Variants in JADE1 observed in about 807,000 individuals in gnomAD.
JADE1 encodes the protein protein Jade-1.
A neutral mutation model predicts 81.8 loss-of-function variants in JADE1; 14 were observed. That is an observed-to-expected ratio of 0.17 (90% CI 0.11 to 0.27). JADE1 has a LOEUF of 0.27. JADE1 is among the 10% of genes least tolerant of loss of function. JADE1 has a pLI of 1.00. For synonymous variants in JADE1, 353 were observed against 391.9 expected, an observed-to-expected ratio of 0.90 and a Z score of 1.17; for missense variants, 690 against 1,047.9, an observed-to-expected ratio of 0.66 and a Z score of 4.71.
rs570842216 is a variant in JADE1, at chr4:128,850,597, C to A, written c.484+1430C>A. Among the ~76,000 whole-genome samples the A allele has an allele frequency of 5.9e-5, 9 of 152,180 alleles. No homozygotes were observed. The South Asian group carries it at 1.0e-3, about 17-fold the overall frequency. On this transcript the variant is annotated intron_variant, in intron 5 of 10. Coordinates refer to ENST00000226319, the MANE Select transcript of JADE1 (RefSeq NM_199320.4). The stretch of plus-strand genomic sequence containing the variant: ...TATTAATGGCCAAAACATTAGCAGG[C>A]CACAAGGTGGTTTTATGGCATGAGT...
chr4:128,821,370 C>T (rs977729337), intron 1 of JADE1, among the ~76,000 whole-genome samples: 2 of 152,112 alleles, frequency 1.3e-5, no homozygotes, highest in African/African-American at 4.8e-5. Context: ...AATTTGTCAA[C>T]CATGCCTTGC....
At chr4:128,868,757 G>C (rs532345773) in intron 10 of JADE1, among the ~76,000 whole-genome samples, 1 of 152,168 alleles carries the variant, frequency 6.6e-6, no homozygotes, top group Non-Finnish European at 1.5e-5. Flanking sequence ...AAAGTAGGTA[G>C]TATAAGGATT....
intron 2 of JADE1, among the ~76,000 whole-genome samples, chr4:128,834,131 G>A (rs1728779112): frequency 6.6e-6 from 1 of 152,210 alleles, no homozygotes; most frequent in African/African-American, 2.4e-5. Flanking sequence ...TAGTAGCGCA[G>A]AAGGCCTCAT....
Position 128,865,294 on chromosome 4 carries a change from C to T in JADE1, c.1504-2562C>T, listed in dbSNP as rs1389997638. Among the ~76,000 whole-genome samples, 4 of 152,212 alleles carry T rather than the reference C, an allele frequency of 2.6e-5. No individual in the cohort carries two copies. In the South Asian group the frequency reaches 8.3e-4, roughly 31 times the overall value. ...TCCCTGACCCAGAAACTTAGGAATG[C>T]AGATTCATGGGCCCCACCTCCAAAG... On this transcript the variant is annotated intron_variant, in intron 9 of 10. Transcript: ENST00000226319.
intron 5 of JADE1, among the ~76,000 whole-genome samples, chr4:128,850,280 T>TC (rs1730238765): frequency 7.0e-6 from 1 of 143,856 alleles, no homozygotes; most frequent in South Asian, 2.2e-4. Flanking sequence ...GCCACTGCAT[T>TC]CCCACCTGGG....
Position 128,846,332 on chromosome 4 carries a change from A to G in JADE1, c.139-43A>G, listed in dbSNP as rs959109023. 4 of 1,587,654 alleles carry G rather than the reference A, an allele frequency of 2.5e-6. No homozygotes were observed. The African/African-American group carries it at 4.0e-5, about 16-fold the overall frequency. On this transcript the variant is annotated intron_variant, in intron 3 of 10. Coordinates refer to ENST00000226319, the MANE Select transcript of JADE1 (RefSeq NM_199320.4). This position sits in a 1 kb window ranked among gnomAD's most constrained non-coding sequence, Gnocchi z 4.0. ...GCAGCTGCCAGCACTCTGAATAAGAATGCAAATATCAAATGTCAGTGTCCC... is the reference window on the plus strand; with the variant it reads ...GCAGCTGCCAGCACTCTGAATAAGAGTGCAAATATCAAATGTCAGTGTCCC...
Position 128,831,686 on chromosome 4 carries a change from A to T in JADE1, c.-26-47A>T, listed in dbSNP as rs912864658. The T allele has an allele frequency of 2.6e-6, 4 of 1,524,610 alleles. No homozygotes were observed. The African/African-American group carries it at 5.5e-5, about 21-fold the overall frequency. The allele number at this position is 1,524,610 out of a possible 1,614,324, so 94.4% of individuals were successfully genotyped here. On this transcript the variant is annotated intron_variant, in intron 1 of 10. Transcript: ENST00000226319. ...CTGCCATCTGAAGCACAACTTGATG[A>T]TTGTGTATTATCATCTTGGGTTAAG... is the stretch of plus-strand genomic sequence containing the variant.
intron 1 of JADE1, among the ~76,000 whole-genome samples, chr4:128,829,790 CTT>C (rs1191732609): frequency 1.3e-5 from 2 of 152,088 alleles, no homozygotes; most frequent in African/African-American, 2.4e-5. Flanking sequence ...GGAGTTTAGG[CTT>C]TTTTGACTGC....
chr4:128,825,246 G>A (rs1727949630), intron 1 of JADE1, among the ~76,000 whole-genome samples: 1 of 152,252 alleles, frequency 6.6e-6, no homozygotes, highest in South Asian at 2.1e-4. Flanking sequence ...TCGCCATGTT[G>A]CTAGGCTGGT....
rs553673080 is a variant in JADE1 at position 128,822,074 on chromosome 4, C to T, written c.-26-9659C>T. ...TTTAAAGCAAGACAATTCTTTGATA[C>T]TGCATCTCAGGAAAGAGGTGGCATA... On this transcript the variant is annotated intron_variant, in intron 1 of 10. Coordinates refer to ENST00000226319, the MANE Select transcript of JADE1 (RefSeq NM_199320.4). Among the ~76,000 whole-genome samples the T allele has an allele frequency of 3.3e-5, 5 of 152,252 alleles. No homozygotes were observed. The South Asian group carries it at 1.0e-3, about 32-fold the overall frequency.
intron 1 of JADE1, among the ~76,000 whole-genome samples, chr4:128,810,831 A>T (rs1356732660): frequency 6.6e-6 from 1 of 152,082 alleles, no homozygotes; most frequent in Non-Finnish European, 1.5e-5. Flanking sequence ...GACTGCTTGT[A>T]AAGTGTAAAA....
chr4:128,835,018 G>C (rs1288344341), intron 2 of JADE1, among the ~76,000 whole-genome samples: 2 of 152,066 alleles, frequency 1.3e-5, no homozygotes, highest in Non-Finnish European at 1.5e-5. Flanking sequence ...TAGAACTCTG[G>C]TTAGGAAGGA....
intron 1 of JADE1, among the ~76,000 whole-genome samples, chr4:128,822,885 G>T (rs933259535): frequency 6.6e-6 from 1 of 152,102 alleles, no homozygotes; most frequent in Non-Finnish European, 1.5e-5. Flanking sequence ...ATTGCTGTAG[G>T]TATTTTCTCT....
chr4:128,841,857 C>T (rs1261704114), intron 2 of JADE1, among the ~76,000 whole-genome samples: 1 of 152,136 alleles, frequency 6.6e-6, no homozygotes, highest in Non-Finnish European at 1.5e-5. Flanking sequence ...AGAGAATTGC[C>T]ACTGAGGCTG....
chr4:128,827,806 C>A, intron 1 of JADE1: 1 of 916,942 alleles, frequency 1.1e-6, no homozygotes, highest in Non-Finnish European at 1.3e-6. Context: ...TTCAGAGAGT[C>A]ATAACATTAT....
chr4:128,827,225 C>T (rs1348278883), intron 1 of JADE1, among the ~76,000 whole-genome samples: 4 of 152,182 alleles, frequency 2.6e-5, no homozygotes, highest in Non-Finnish European at 5.9e-5. Context: ...TGAGTAAAAT[C>T]TGCTTTACCA....
At chr4:128,839,657 CTT>C (rs67592201) in intron 2 of JADE1, among the ~76,000 whole-genome samples, 2 of 148,112 alleles carry the variant, frequency 1.4e-5, no homozygotes, top group African/African-American at 2.5e-5. Context: ...AATATGGACT[CTT>C]TTTTTTTTGG....
intron 10 of JADE1, 45 bp downstream of exon 10, chr4:128,868,018 G>T (rs765412453): frequency 9.8e-7 from 1 of 1,022,890 alleles, no homozygotes; most frequent in Non-Finnish European, 1.5e-6. Context: ...GCAGGGGTTT[G>T]TAAGCTTTAA....
intron 6 of JADE1, among the ~76,000 whole-genome samples, chr4:128,852,868 T>A (rs1463153475): frequency 1.3e-5 from 2 of 152,088 alleles, no homozygotes; most frequent in African/African-American, 4.8e-5. Flanking sequence ...CGCGGCTGCC[T>A]TCATCATCAT....
Sources: gnomAD v4.1 joint callset for allele counts (sites outside exome capture counted in the v4.1 genomes callset) on GRCh38, gnomAD v4.1.1 for gene constraint, Gnocchi (gnomAD v3.1) non-coding constraint, MANE v1.5 for transcripts, NCBI Gene and HGNC (gene_info 2026-07-23, HGNC 2026-07-21) for gene names.